The following PDE11A variants were observed in gnomAD, a reference collection of about 807,000 sequenced individuals.
The protein encoded by PDE11A is dual 3',5'-cyclic-AMP and -GMP phosphodiesterase 11A.
In PDE11A, 100 loss-of-function variants were observed where a neutral mutation model predicts 100.5. The observed-to-expected ratio is 1.00, with a 90% confidence interval of 0.85 to 1.18. PDE11A has a LOEUF of 1.18. PDE11A is among the 50% of genes most tolerant of loss of function. The probability of loss-of-function intolerance (pLI) is 0.00; values close to 1 mark genes in which losing one functional copy is unlikely to be tolerated. For synonymous variants in PDE11A, 381 were observed against 420.8 expected (o/e 0.91, Z 1.16); for missense variants, 1,141 against 1,152.6 (o/e 0.99, Z 0.15).
At chr2:178,009,539 A>T (rs1478925549) in intron 2 of PDE11A, among the ~76,000 whole-genome samples, 1 of 134,556 alleles carries the variant, frequency 7.4e-6, no homozygotes, top group Non-Finnish European at 1.6e-5. Context: ...TAAAGTCATT[A>T]AAAGGGAAGC....
At chr2:177,909,171 A>G (rs1337965718) in intron 2 of PDE11A, among the ~76,000 whole-genome samples, 2 of 152,176 alleles carry the variant, frequency 1.3e-5, no homozygotes, top group African/African-American at 4.8e-5. Context: ...TCCAATTCTT[A>G]TCCTTTAGTG....
chr2:177,996,484 T>C (rs2086077309), intron 2 of PDE11A, among the ~76,000 whole-genome samples: 1 of 150,054 alleles, frequency 6.7e-6, no homozygotes, highest in South Asian at 2.1e-4. Flanking sequence ...TATATATATA[T>C]ATGTATATAC....
chr2:177,905,851 G>T (rs2084777489), intron 2 of PDE11A, among the ~76,000 whole-genome samples: 1 of 152,152 alleles, frequency 6.6e-6, no homozygotes. Context: ...ATGAGGAAAG[G>T]CTGGGAGCCT....
Position 177,945,733 on chromosome 2 carries a change from G to A in PDE11A, c.1072-40546C>T, listed in dbSNP as rs1238122858. ...ACCCCGTCCGGGAGGGAGGTGGGGG[G>A]GGTCAGCCCCCCGCCCGGCCAGCTG... On this transcript the variant is annotated intron_variant, in intron 2 of 19. Coordinates refer to ENST00000286063, the MANE Select transcript of PDE11A (RefSeq NM_016953.4). Among the ~76,000 whole-genome samples the A allele has an allele frequency of 3.9e-4, 60 of 152,038 alleles. No homozygotes were observed. The South Asian group carries it at 0.012, about 31-fold the overall frequency.
chr2:177,909,051 C>T (rs1024207241), intron 2 of PDE11A, among the ~76,000 whole-genome samples: 1 of 152,152 alleles, frequency 6.6e-6, no homozygotes, highest in African/African-American at 2.4e-5. Context: ...TTGTCACAAC[C>T]TCAGGAAAAG....
intron 9 of PDE11A, among the ~76,000 whole-genome samples, chr2:177,776,685 T>A (rs563831264): frequency 7.9e-4 from 120 of 151,762 alleles, no homozygotes; most frequent in African/African-American, 2.9e-3. Flanking sequence ...ATGACTGGGG[T>A]CCTTACAAGA....
intron 2 of PDE11A, among the ~76,000 whole-genome samples, chr2:178,091,371 C>T (rs545948893): frequency 2.0e-5 from 3 of 152,138 alleles, no homozygotes; most frequent in Non-Finnish European, 4.4e-5. Context: ...GCACCTAGCC[C>T]ACTAATATCT....
chr2:177,829,919 G>C (rs569512943), intron 6 of PDE11A, among the ~76,000 whole-genome samples: 3 of 152,110 alleles, frequency 2.0e-5, no homozygotes, highest in Non-Finnish European at 2.9e-5. Context: ...TGGCAAAGAC[G>C]ATGGGATAAT....
chr2:177,811,271 T>C (rs1246639771), intron 9 of PDE11A, among the ~76,000 whole-genome samples: 2 of 152,144 alleles, frequency 1.3e-5, no homozygotes, highest in South Asian at 2.1e-4. Flanking sequence ...CTTGGTCATA[T>C]AGAATGGAAA....
chr2:177,628,929 A>G lies in PDE11A; in HGVS notation c.*478T>C, dbSNP rs1477748146. 2 of 198,098 alleles carry G rather than the reference A, an allele frequency of 1.0e-5. No individual in the cohort carries two copies. The highest frequency in any genetic ancestry group is 5.3e-5 in the Admixed American group (1 of 18,894). 12.3% of individuals were successfully genotyped at this position (198,098 alleles called of 1,614,324 possible). ...CTAGGATTAAAAATAAAATACCTCT[A>G]TGGAATACAAATTAGGATTCTTGGG... On this transcript the variant is annotated 3_prime_UTR_variant, in exon 20 of 20. Transcript: ENST00000286063.
chr2:177,802,928 T>C (rs900230622), intron 9 of PDE11A, among the ~76,000 whole-genome samples: 13 of 151,894 alleles, frequency 8.6e-5, no homozygotes, highest in Non-Finnish European at 1.2e-4. Flanking sequence ...CTAATGAAAA[T>C]GTAACTAAAA....
At chr2:177,654,202 G>A (rs1006397536) in intron 19 of PDE11A, among the ~76,000 whole-genome samples, 2 of 152,168 alleles carry the variant, frequency 1.3e-5, no homozygotes, top group African/African-American at 2.4e-5. Flanking sequence ...TCAATTGATC[G>A]GAATACTAGG....
At chr2:178,064,676 C>T (rs1013460744) in intron 1 of PDE11A, among the ~76,000 whole-genome samples, 5 of 151,702 alleles carry the variant, frequency 3.3e-5, no homozygotes, top group Non-Finnish European at 7.4e-5. Context: ...AGTAGACACC[C>T]TGCCGGGCTC....
intron 9 of PDE11A, among the ~76,000 whole-genome samples, chr2:177,795,603 G>C (rs776812590): frequency 1.3e-5 from 2 of 152,054 alleles, no homozygotes; most frequent in Non-Finnish European, 2.9e-5. Context: ...GGTACCTAAA[G>C]TCAGGCCTCT....
intron 5 of PDE11A, among the ~76,000 whole-genome samples, chr2:177,845,342 C>T (rs1381488436): frequency 6.7e-6 from 1 of 150,232 alleles, no homozygotes; most frequent in Non-Finnish European, 1.5e-5. Context: ...TCGCTCCTCA[C>T]CTCCCAGATG....
chr2:177,769,413 A>C, intron 9 of PDE11A, 40 bp from the exon 10 acceptor site: 1 of 1,167,266 alleles, frequency 8.6e-7, no homozygotes, highest in Non-Finnish European at 1.3e-6. Flanking sequence ...ATAACTAGAC[A>C]TGACTGTATT....
intron 2 of PDE11A, among the ~76,000 whole-genome samples, chr2:178,096,330 AT>A (rs35631942): frequency 0.44 from 60,959 of 137,524 alleles, 14,117 homozygotes; most frequent in Admixed American, 0.58. Flanking sequence ...AGCCCAGCTA[AT>A]TTTTTTTTTT....
chr2:177,782,536 C>G (rs564602252), intron 9 of PDE11A, among the ~76,000 whole-genome samples: 5 of 152,284 alleles, frequency 3.3e-5, no homozygotes, highest in Non-Finnish European at 5.9e-5. Flanking sequence ...AAATTCAAAG[C>G]CTTTTTCAAA....
intron 1 of PDE11A, chr2:178,105,495 A>G (rs2087607564): frequency 4.5e-6 from 1 of 222,564 alleles, no homozygotes; most frequent in Non-Finnish European, 8.8e-6. Flanking sequence ...TTACTGTATG[A>G]TGGTAGACAT....
Sources: gnomAD v4.1 joint callset for allele counts (sites outside exome capture counted in the v4.1 genomes callset) on GRCh38, gnomAD v4.1.1 for gene constraint, MANE v1.5 for transcripts, NCBI Gene and HGNC (gene_info 2026-07-23, HGNC 2026-07-21) for gene names.